Variants in GATAD2A observed in about 807,000 individuals in gnomAD.
GATAD2A encodes the protein GATA zinc finger domain containing 2A, also known as transcriptional repressor p66-alpha.
Under a neutral mutation model 68.5 loss-of-function variants are expected in GATAD2A, and 12 were observed. The ratio of observed to expected loss-of-function variants is 0.18; its 90% CI spans 0.11 to 0.28. GATAD2A has a LOEUF of 0.28. Among genes scored for constraint, GATAD2A ranks in the 10% least tolerant of loss-of-function variants. The pLI, the probability that GATAD2A is intolerant of heterozygous loss-of-function variation, is 1.00. For missense variants in GATAD2A, 755 were observed against 868.5 expected (o/e 0.87, Z 1.64); for synonymous variants, 410 against 375.3 (o/e 1.09, Z -1.07).
At chr19:19,494,476 G>A (rs1254981445) in intron 5 of GATAD2A, 93 bp downstream of exon 5, 1 of 753,264 alleles carries the variant, frequency 1.3e-6, no homozygotes, top group Non-Finnish European at 2.3e-6. Flanking sequence ...CCTGGCCCAG[G>A]TTCTGCAAGA....
Position 19,424,628 on chromosome 19 carries a change from C to T in GATAD2A, c.-7+18609C>T, listed in dbSNP as rs962636833. Among the ~76,000 whole-genome samples, 4 of 151,714 alleles carry T rather than the reference C, an allele frequency of 2.6e-5. No individual in the cohort carries two copies. In the South Asian group the frequency reaches 8.3e-4, roughly 32 times the overall value. ...CCTCAAGTGATCCTCCTGCCTCGGC[C>T]TCCCAAAATGCTGGGATTACAGGCA... On this transcript the variant is annotated intron_variant, in intron 1 of 11. Coordinates refer to ENST00000683918, the MANE Select transcript of GATAD2A (RefSeq NM_001384528.1).
chr19:19,447,764 G>C (rs1400827254), intron 1 of GATAD2A, among the ~76,000 whole-genome samples: 1 of 152,226 alleles, frequency 6.6e-6, no homozygotes, highest in Non-Finnish European at 1.5e-5. Context: ...CGCCTGGGCA[G>C]GGCCTCCAGC....
At chr19:19,485,513 G>C (rs1010277572) in intron 2 of GATAD2A, among the ~76,000 whole-genome samples, 1 of 152,194 alleles carries the variant, frequency 6.6e-6, no homozygotes, top group African/African-American at 2.4e-5. Context: ...GCGGGGGCTA[G>C]TGTGGGCCTC....
At chr19:19,433,773 C>T (rs1176442711) in intron 1 of GATAD2A, among the ~76,000 whole-genome samples, 1 of 152,144 alleles carries the variant, frequency 6.6e-6, no homozygotes, top group African/African-American at 2.4e-5. Context: ...GGAGTACCTC[C>T]CCATACCCCC....
intron 1 of GATAD2A, among the ~76,000 whole-genome samples, chr19:19,414,069 G>C (rs1370779286): frequency 6.6e-6 from 1 of 152,102 alleles, no homozygotes; most frequent in Non-Finnish European, 1.5e-5. Flanking sequence ...CTGGGGAGGG[G>C]GTGGGAGCCT....
At chr19:19,433,988 G>T (rs1277138654) in intron 1 of GATAD2A, among the ~76,000 whole-genome samples, 1 of 152,210 alleles carries the variant, frequency 6.6e-6, no homozygotes, top group African/African-American at 2.4e-5. Context: ...GGCCAGGCTG[G>T]CCTTGAACTC....
In GATAD2A at chr19:19,476,075, G is replaced by C. The variant is rs2058661643; in HGVS notation, c.269+10461G>C. ...TTAGACGCCCTCCTCTGGTCATGGAGGGGACTCGGATCCCTAACTTTGAAA... is the reference window on the plus strand; with the variant it reads ...TTAGACGCCCTCCTCTGGTCATGGACGGGACTCGGATCCCTAACTTTGAAA... On this transcript the variant is annotated intron_variant, in intron 2 of 11. Transcript: ENST00000683918. 3.3e-5 allele frequency among the ~76,000 whole-genome samples: 5 copies of C among 152,180 alleles called. No individual in the cohort carries two copies. The South Asian group carries it at 1.0e-3, about 32-fold the overall frequency.
chr19:19,406,647 G>A (rs958062325), intron 1 of GATAD2A, among the ~76,000 whole-genome samples: 6 of 152,192 alleles, frequency 3.9e-5, no homozygotes, highest in African/African-American at 1.4e-4. Flanking sequence ...CCATCTAGGC[G>A]GTGGCTCCAT....
intron 1 of GATAD2A, among the ~76,000 whole-genome samples, chr19:19,431,693 CAAAAA>C (rs538655876): frequency 1.1e-5 from 1 of 90,312 alleles, no homozygotes; most frequent in African/African-American, 4.4e-5. Context: ...GACTTGGTCT[CAAAAA>C]AAAAAAAAAA....
intron 1 of GATAD2A, among the ~76,000 whole-genome samples, chr19:19,454,618 T>C (rs1225302587): frequency 6.6e-6 from 1 of 151,572 alleles, no homozygotes; most frequent in Admixed American, 6.6e-5. Flanking sequence ...AAAAATTTAT[T>C]GGAGACGAAG....
At chr19:19,486,975 T>G (rs1186360030) in intron 2 of GATAD2A, among the ~76,000 whole-genome samples, 1 of 152,136 alleles carries the variant, frequency 6.6e-6, no homozygotes, top group Non-Finnish European at 1.5e-5. Context: ...TTGCCGGCAG[T>G]CGTTTGAAGT....
chr19:19,497,400 C>T (rs982217368), intron 7 of GATAD2A, among the ~76,000 whole-genome samples: 10 of 152,356 alleles, frequency 6.6e-5, no homozygotes, highest in South Asian at 2.1e-4. Context: ...CCTGCCCACC[C>T]GTGAACTTTT....
intron 1 of GATAD2A, among the ~76,000 whole-genome samples, chr19:19,442,926 G>A (rs543469399): frequency 2.1e-3 from 316 of 152,136 alleles, no homozygotes; most frequent in Non-Finnish European, 3.3e-3. Flanking sequence ...CTTCTCTGTG[G>A]GCTGCACACT....
At chr19:19,457,290 C>G (rs1037279938) in intron 1 of GATAD2A, 2 of 952,538 alleles carry the variant, frequency 2.1e-6, no homozygotes, top group South Asian at 4.9e-5. Context: ...TCCCAGGGGC[C>G]TCCCAGAGCT....
chr19:19,469,033 C>A (rs2148062930), intron 2 of GATAD2A, among the ~76,000 whole-genome samples: 1 of 152,294 alleles, frequency 6.6e-6, no homozygotes, highest in Admixed American at 6.5e-5. Flanking sequence ...ATTTCTGTAT[C>A]TTACTGGAAT....
intron 1 of GATAD2A, among the ~76,000 whole-genome samples, chr19:19,446,149 G>A (rs939119419): frequency 2.6e-5 from 4 of 152,172 alleles, no homozygotes; most frequent in Non-Finnish European, 5.9e-5. Flanking sequence ...TTTGCACTAT[G>A]CAGTGTATGA....
At chr19:19,420,963 A>G (rs1273515451) in intron 1 of GATAD2A, among the ~76,000 whole-genome samples, 1 of 152,250 alleles carries the variant, frequency 6.6e-6, no homozygotes, top group Non-Finnish European at 1.5e-5. Context: ...TCAACATATT[A>G]GAGATGATTC....
chr19:19,427,073 G>A (rs918912933), intron 1 of GATAD2A, among the ~76,000 whole-genome samples: 4 of 151,832 alleles, frequency 2.6e-5, no homozygotes, highest in Non-Finnish European at 5.9e-5. Flanking sequence ...ACCTATATGA[G>A]GTTCCTAGAC....
At chr19:19,415,266 C>T (rs1469438365) in intron 1 of GATAD2A, among the ~76,000 whole-genome samples, 1 of 151,846 alleles carries the variant, frequency 6.6e-6, no homozygotes, top group Non-Finnish European at 1.5e-5. Flanking sequence ...AATTCACCTG[C>T]CTCAGCTTCC....
Sources: gnomAD v4.1 joint callset for allele counts (sites outside exome capture counted in the v4.1 genomes callset) on GRCh38, gnomAD v4.1.1 for gene constraint, MANE v1.5 for transcripts, NCBI Gene and HGNC (gene_info 2026-07-23, HGNC 2026-07-21) for gene names.